The following ATRNL1 variants were observed in gnomAD, a reference collection of about 807,000 sequenced individuals.
ATRNL1 encodes the protein attractin like 1, also known as attractin-like protein 1.
ATRNL1 carries 95 observed loss-of-function variants against 182.7 expected under a neutral mutation model. The ratio of observed to expected loss-of-function variants is 0.52; its 90% CI spans 0.44 to 0.62. The LOEUF is 0.62. ATRNL1 is among the 20% of genes least tolerant of loss of function. The probability of loss-of-function intolerance (pLI) is 0.00; values close to 1 mark genes in which losing one functional copy is unlikely to be tolerated. For missense variants in ATRNL1, 1,471 were observed against 1,679.5 expected, an observed-to-expected ratio of 0.88 and a Z score of 2.17; for synonymous variants, 576 against 568.3, an observed-to-expected ratio of 1.01 and a Z score of -0.19.
intron 26 of ATRNL1, among the ~76,000 whole-genome samples, chr10:115,698,457 T>TA (rs2133988808): frequency 6.6e-6 from 1 of 152,132 alleles, no homozygotes; most frequent in Admixed American, 6.6e-5. Context: ...CAGTTGAACA[T>TA]AAAGTTGCTA....
chr10:115,579,923 C>T (rs1854966696), intron 26 of ATRNL1, among the ~76,000 whole-genome samples: 1 of 151,828 alleles, frequency 6.6e-6, no homozygotes, highest in African/African-American at 2.4e-5. Context: ...GCTTAAATAT[C>T]TAATAGTTAT....
At chr10:115,399,643 T>G (rs1844462485) in intron 20 of ATRNL1, among the ~76,000 whole-genome samples, 1 of 151,614 alleles carries the variant, frequency 6.6e-6, no homozygotes, top group South Asian at 2.1e-4. Flanking sequence ...TTTTTATCTT[T>G]TGTGTGTGTG....
At position 115,486,463 on chromosome 10, in the gene ATRNL1, A is replaced by G. The variant is rs1404840197; in HGVS notation, c.3654+17134A>G. Among the ~76,000 whole-genome samples, 4 of 152,002 alleles carry G rather than the reference A, an allele frequency of 2.6e-5. No individual in the cohort carries two copies. In the South Asian group the frequency reaches 8.3e-4, roughly 32 times the overall value. On this transcript the variant is annotated intron_variant, in intron 24 of 28. Coordinates refer to ENST00000355044, the MANE Select transcript of ATRNL1 (RefSeq NM_207303.4). Reference sequence around the variant, plus strand: ...TCTAACTGCCATGAGATGGTATCTCATTGTGGTTTTGATTTGCATTTCTCT... The same window carrying G: ...TCTAACTGCCATGAGATGGTATCTCGTTGTGGTTTTGATTTGCATTTCTCT...
At chr10:115,381,629 C>A (rs1858014668) in intron 19 of ATRNL1, among the ~76,000 whole-genome samples, 8 of 151,596 alleles carry the variant, frequency 5.3e-5, no homozygotes, top group Admixed American at 5.3e-4. Context: ...ATAAGAAATA[C>A]AAATTGCAAA....
At chr10:115,095,197 G>T (rs1308891519) in intron 1 of ATRNL1, among the ~76,000 whole-genome samples, 1 of 152,018 alleles carries the variant, frequency 6.6e-6, no homozygotes, top group Non-Finnish European at 1.5e-5. Context: ...AAGTTTGCTG[G>T]CTGGTTTGTG....
chr10:115,745,104 C>G (rs1035354030), intron 27 of ATRNL1, among the ~76,000 whole-genome samples: 5 of 151,854 alleles, frequency 3.3e-5, no homozygotes, highest in African/African-American at 1.2e-4. Context: ...ATAGTTTTGC[C>G]TTTCCCAGAA....
In ATRNL1 at chr10:115,930,371, C is replaced by T. The variant is rs573995637; in HGVS notation, c.4019-14287C>T. Among the ~76,000 whole-genome samples the T allele has an allele frequency of 5.9e-5, 9 of 152,166 alleles. No individual in the cohort carries two copies. The South Asian group carries it at 8.3e-4, about 14-fold the overall frequency. On this transcript the variant is annotated intron_variant, in intron 28 of 28. Transcript: ENST00000355044. ...TCAGGTCGGATCATAAGCCTCAGAACGTGTCATACATCCCATAAACTTCAG... is the reference window on the plus strand; with the variant it reads ...TCAGGTCGGATCATAAGCCTCAGAATGTGTCATACATCCCATAAACTTCAG...
chr10:115,708,525 G>T (rs1412096172), intron 26 of ATRNL1, among the ~76,000 whole-genome samples: 1 of 151,608 alleles, frequency 6.6e-6, no homozygotes, highest in African/African-American at 2.4e-5. Context: ...AATACTGTTT[G>T]TTAGAAATGG....
In ATRNL1 at chr10:115,932,854, C is replaced by T. The variant is rs572598150; in HGVS notation, c.4019-11804C>T. Among the ~76,000 whole-genome samples the T allele has an allele frequency of 3.3e-5, 5 of 152,178 alleles. No homozygotes were observed. The East Asian group carries it at 9.7e-4, about 29-fold the overall frequency. ...ATCTGTGCTATGTAATATTATAAGC[C>T]TTGTATCTGTCTCCTATACTTTCCT... On this transcript the variant is annotated intron_variant, in intron 28 of 28. Transcript: ENST00000355044.
chr10:115,733,277 C>T (rs576813555), intron 27 of ATRNL1, among the ~76,000 whole-genome samples: 4 of 152,158 alleles, frequency 2.6e-5, no homozygotes, highest in African/African-American at 9.6e-5. Flanking sequence ...TTTCATTTTA[C>T]AAATTTGTAA....
intron 26 of ATRNL1, among the ~76,000 whole-genome samples, chr10:115,599,513 A>G (rs1856470336): frequency 7.8e-6 from 1 of 127,672 alleles, no homozygotes. Context: ...GATATTTTTA[A>G]GTAAAGTAAA....
Position 115,616,908 on chromosome 10 carries a change from G to C in ATRNL1, c.3795+67372G>C, listed in dbSNP as rs116698490. Reference sequence around the variant, plus strand: ...GCCCTCATGTAGAAACTCTCCTAGGGCAGTGCAGAGCGGATATGTCAGGTT... The same window carrying C: ...GCCCTCATGTAGAAACTCTCCTAGGCCAGTGCAGAGCGGATATGTCAGGTT... On this transcript the variant is annotated intron_variant, in intron 26 of 28. Coordinates refer to ENST00000355044, the MANE Select transcript of ATRNL1 (RefSeq NM_207303.4). Among the ~76,000 whole-genome samples, 37 of 152,330 alleles carry C rather than the reference G, an allele frequency of 2.4e-4. No individual in the cohort carries two copies. In the East Asian group the frequency reaches 6.0e-3, roughly 25 times the overall value.
At chr10:115,856,337 A>G (rs535777047) in intron 28 of ATRNL1, among the ~76,000 whole-genome samples, 1 of 147,392 alleles carries the variant, frequency 6.8e-6, no homozygotes, top group East Asian at 2.1e-4. Context: ...CTGAGGCAGG[A>G]GAAACGCTTG....
intron 26 of ATRNL1, among the ~76,000 whole-genome samples, chr10:115,674,459 A>T (rs1314226059): frequency 1.3e-5 from 2 of 152,070 alleles, no homozygotes; most frequent in African/African-American, 4.8e-5. Flanking sequence ...TGAATAATAT[A>T]CTTTCTTCAT....
chr10:115,642,600 TG>T (rs1859325639), intron 26 of ATRNL1, among the ~76,000 whole-genome samples: 1 of 152,012 alleles, frequency 6.6e-6, no homozygotes. Flanking sequence ...CCCACCAACA[TG>T]CCAGGCTAAT....
chr10:115,260,164 A>G (rs1554908379), intron 10 of ATRNL1, among the ~76,000 whole-genome samples: 3 of 152,184 alleles, frequency 2.0e-5, no homozygotes, highest in African/African-American at 7.2e-5. Context: ...CTGTACTGTA[A>G]TGTTTCTCTT....
At chr10:115,350,071 C>T (rs1856159397) in intron 19 of ATRNL1, among the ~76,000 whole-genome samples, 1 of 152,096 alleles carries the variant, frequency 6.6e-6, no homozygotes, top group South Asian at 2.1e-4. Flanking sequence ...GGCACAATGG[C>T]TCACGCCTGT....
chr10:115,215,555 T>C lies in ATRNL1; in HGVS notation c.1349-142T>C, dbSNP rs113585474. ...ACCTGGCACATACTTAATAAGTGTT[T>C]CTTGATTAAATTAATATTAGATATA... On this transcript the variant is annotated intron_variant, in intron 8 of 28. Coordinates refer to ENST00000355044, the MANE Select transcript of ATRNL1 (RefSeq NM_207303.4). The C allele has an allele frequency of 1.3e-4, 87 of 677,482 alleles. No individual in the cohort carries two copies. The Admixed American group carries it at 1.4e-3, about 11-fold the overall frequency. The allele number at this position is 677,482 out of a possible 1,614,324, so 42.0% of individuals were successfully genotyped here. A position where few individuals can be genotyped will look rare whatever the true frequency, so the allele number is the denominator to read the frequency against.
At chr10:115,624,222 C>G (rs972475298) in intron 26 of ATRNL1, among the ~76,000 whole-genome samples, 31 of 151,786 alleles carry the variant, frequency 2.0e-4, no homozygotes, top group African/African-American at 7.3e-4. Flanking sequence ...TAAAATACTT[C>G]AAGTTATATT....
Sources: gnomAD v4.1 joint callset for allele counts (sites outside exome capture counted in the v4.1 genomes callset) on GRCh38, gnomAD v4.1.1 for gene constraint, MANE v1.5 for transcripts, NCBI Gene and HGNC (gene_info 2026-07-23, HGNC 2026-07-21) for gene names.